Variants in HPSE2 observed in about 807,000 individuals in gnomAD.
The protein encoded by HPSE2 is inactive heparanase-2.
A neutral mutation model predicts 60.5 loss-of-function variants in HPSE2; 38 were observed. The ratio of observed to expected loss-of-function variants is 0.63; its 90% CI spans 0.48 to 0.82. HPSE2 has a LOEUF of 0.82. HPSE2 is among the 40% of genes least tolerant of loss of function. The pLI is 0.00. For missense variants in HPSE2, 713 were observed against 740.4 expected (o/e 0.96, Z 0.43); for synonymous variants, 295 against 293.2 (o/e 1.01, Z -0.06).
Position 98,998,218 on chromosome 10 carries a change from A to G in HPSE2, c.610+146020T>C, listed in dbSNP as rs376470807. On this transcript the variant is annotated intron_variant, in intron 3 of 11. Transcript: ENST00000370552. The stretch of plus-strand genomic sequence containing the variant: ...GGCAAATAGAAAAGAGAAAGTTGTG[A>G]TTTGGGTTAAGGGACTACAGTCAAA... Among the ~76,000 whole-genome samples the G allele has an allele frequency of 2.0e-5, 3 of 152,352 alleles. No homozygotes were observed. The East Asian group carries it at 5.8e-4, about 29-fold the overall frequency.
At chr10:98,896,476 A>C (rs1953496062) in intron 3 of HPSE2, among the ~76,000 whole-genome samples, 1 of 152,186 alleles carries the variant, frequency 6.6e-6, no homozygotes, top group Non-Finnish European at 1.5e-5. Context: ...CCTGGACAAA[A>C]TGGTGATGAA....
chr10:98,565,290 G>A (rs1012664981), intron 9 of HPSE2, among the ~76,000 whole-genome samples: 1 of 151,924 alleles, frequency 6.6e-6, no homozygotes, highest in Non-Finnish European at 1.5e-5. Flanking sequence ...AGCCCCACAT[G>A]CATTAGCTAT....
At chr10:98,826,476 G>A (rs1951550270) in intron 3 of HPSE2, among the ~76,000 whole-genome samples, 1 of 152,152 alleles carries the variant, frequency 6.6e-6, no homozygotes, top group African/African-American at 2.4e-5. Context: ...TTCATAGAAA[G>A]GTTGGGGTAT....
intron 5 of HPSE2, among the ~76,000 whole-genome samples, chr10:98,697,629 CA>C (rs1948263988): frequency 6.6e-6 from 1 of 152,028 alleles, no homozygotes; most frequent in African/African-American, 2.4e-5. Context: ...CAAGATAGGC[CA>C]ACATTCAAAT....
intron 3 of HPSE2, among the ~76,000 whole-genome samples, chr10:98,919,645 AAAGTG>A (rs1385058537): frequency 6.6e-6 from 1 of 152,210 alleles, no homozygotes; most frequent in East Asian, 1.9e-4. Context: ...TGGAAAAATA[AAAGTG>A]AAAAGTATGT....
At chr10:99,099,710 A>T (rs1296901444) in intron 3 of HPSE2, among the ~76,000 whole-genome samples, 1 of 152,194 alleles carries the variant, frequency 6.6e-6, no homozygotes, top group Non-Finnish European at 1.5e-5. Context: ...TGGGTCCCTG[A>T]TCCCCGAGTA....
intron 2 of HPSE2, among the ~76,000 whole-genome samples, chr10:99,152,937 G>C (rs1475752303): frequency 6.6e-6 from 1 of 152,264 alleles, no homozygotes; most frequent in Non-Finnish European, 1.5e-5. Flanking sequence ...TGCCTCACTT[G>C]GGAAGCGCAA....
intron 9 of HPSE2, among the ~76,000 whole-genome samples, chr10:98,544,110 T>C (rs1250259424): frequency 6.6e-6 from 1 of 151,878 alleles, no homozygotes; most frequent in African/African-American, 2.4e-5. Context: ...TGCAAAAGAA[T>C]AGAAATTTTA....
chr10:98,564,833 T>A (rs886553336), intron 9 of HPSE2, among the ~76,000 whole-genome samples: 1 of 152,176 alleles, frequency 6.6e-6, no homozygotes, highest in African/African-American at 2.4e-5. Flanking sequence ...ATAACCTGTC[T>A]TAATGTTTCC....
intron 6 of HPSE2, among the ~76,000 whole-genome samples, chr10:98,652,408 AT>A (rs1946942420): frequency 6.6e-6 from 1 of 152,164 alleles, no homozygotes; most frequent in Admixed American, 6.5e-5. Flanking sequence ...CCAGTCCCAC[AT>A]ATACCCTTTC....
intron 3 of HPSE2, among the ~76,000 whole-genome samples, chr10:99,014,724 G>A (rs1225336342): frequency 6.6e-6 from 1 of 152,114 alleles, no homozygotes; most frequent in Non-Finnish European, 1.5e-5. Flanking sequence ...TTTTCTTCAC[G>A]ACTGTCGGTT....
chr10:99,094,538 ATATTTTTTTTTTTTTTTTT>A, intron 3 of HPSE2, among the ~76,000 whole-genome samples: 1 of 22,756 alleles, frequency 4.4e-5, no homozygotes, highest in African/African-American at 1.3e-4. Flanking sequence ...ATATATATAT[ATATTTTTTTTTTTTTTTTT>A]TTTTTTTTTT....
At chr10:98,521,447 C>T (rs1942790526) in intron 9 of HPSE2, among the ~76,000 whole-genome samples, 1 of 152,134 alleles carries the variant, frequency 6.6e-6, no homozygotes, top group African/African-American at 2.4e-5. Flanking sequence ...CCATCTCATG[C>T]CAGTTAGAAT....
rs58049545 is a variant in HPSE2, at chr10:99,181,397, CAAAAAAAAAAAA to C, written c.449-37010_449-36999del. Among the ~76,000 whole-genome samples the C allele has an allele frequency of 1.2e-3, 128 of 104,730 alleles. 1 individual carries two copies. Among genetic ancestry groups the C allele is most frequent in the Non-Finnish European group, 1.5e-3 (84 of 57,246 alleles). 68.7% of individuals were successfully genotyped at this position (104,730 alleles called of 152,430 possible). A position where few individuals can be genotyped will look rare whatever the true frequency, so the allele number is the denominator to read the frequency against. On this transcript the variant is annotated intron_variant, in intron 2 of 11. Transcript: ENST00000370552. The stretch of plus-strand genomic sequence containing the variant: ...TGGGCGACAGAGCGAGACTCCGTCT[CAAAAAAAAAAAA>C]AAAAAAAAAAAAGACACACGCACAT...
intron 3 of HPSE2, among the ~76,000 whole-genome samples, chr10:99,004,951 G>T (rs1956858472): frequency 1.3e-5 from 2 of 151,970 alleles, no homozygotes; most frequent in African/African-American, 4.8e-5. Flanking sequence ...TTTTCCTTTA[G>T]TACTTTGAAT....
the HPSE2 span, among the ~76,000 whole-genome samples, chr10:99,275,293 CT>C: frequency 1.3e-5 from 2 of 152,122 alleles, no homozygotes; most frequent in Non-Finnish European, 2.9e-5. Flanking sequence ...ACAGTTAACC[CT>C]TTTTATTATT....
intron 3 of HPSE2, among the ~76,000 whole-genome samples, chr10:98,822,322 T>C (rs1951443350): frequency 6.6e-6 from 1 of 152,192 alleles, no homozygotes; most frequent in Non-Finnish European, 1.5e-5. Flanking sequence ...TATAAATATG[T>C]TCTAGTTAAA....
At chr10:98,459,868 A>G (rs934986560) in intron 11 of HPSE2, 129 bp from the exon 12 acceptor site, 32 of 889,952 alleles carry the variant, frequency 3.6e-5, no homozygotes, top group African/African-American at 1.2e-4. Flanking sequence ...GTTACTGGCT[A>G]TGCCCTAGAT....
the HPSE2 span, among the ~76,000 whole-genome samples, chr10:99,276,349 C>T: frequency 6.6e-6 from 1 of 152,094 alleles, no homozygotes; most frequent in Non-Finnish European, 1.5e-5. Context: ...GCAAAGAAAA[C>T]TCTATAGAAA....
Sources: gnomAD v4.1 joint callset for allele counts (sites outside exome capture counted in the v4.1 genomes callset) on GRCh38, gnomAD v4.1.1 for gene constraint, MANE v1.5 for transcripts, NCBI Gene and HGNC (gene_info 2026-07-23, HGNC 2026-07-21) for gene names.